PRSS12: variants seen among roughly 807,000 people sequenced by gnomAD.
PRSS12 encodes the protein neurotrypsin.
A neutral mutation model predicts 104.4 loss-of-function variants in PRSS12; 85 were observed. The observed-to-expected ratio is 0.81, with a 90% CI of 0.68 to 0.98. PRSS12 has a LOEUF of 0.98. Ranked by LOEUF, PRSS12 falls within the 50% of genes least tolerant of loss-of-function variation. PRSS12 has a pLI of 0.00. For missense variants in PRSS12, 1,141 were observed against 1,139.2 expected, an observed-to-expected ratio of 1.00 and a Z score of -0.02; for synonymous variants, 454 against 425.2, an observed-to-expected ratio of 1.07 and a Z score of -0.83.
Position 118,323,809 on chromosome 4 carries a change from A to T in PRSS12, c.972-5253T>A, listed in dbSNP as rs184639167. On this transcript the variant is annotated intron_variant, in intron 4 of 12. Transcript: ENST00000296498. ...GAATAATAGTAATAACTTGTTTTTT[A>T]TATATATATATACACACACACACAT... 7.7e-3 allele frequency among the ~76,000 whole-genome samples: 1,167 copies of T among 151,426 alleles called. 13 individuals carry two copies. Among genetic ancestry groups the T allele is most frequent in the Non-Finnish European group, 0.013 (886 of 67,776 alleles).
intron 7 of PRSS12, 116 bp from the exon 8 acceptor site, chr4:118,308,693 AAT>A: frequency 7.1e-7 from 1 of 1,409,120 alleles, no homozygotes; most frequent in Non-Finnish European, 9.9e-7. Context: ...TCAGATGGGA[AAT>A]ACTTTTTTGA....
Position 118,331,700 on chromosome 4 carries a change from A to T in PRSS12, c.971+16T>A. On this transcript the variant is annotated intron_variant, in intron 4 of 12. Coordinates refer to ENST00000296498, the MANE Select transcript of PRSS12 (RefSeq NM_003619.4). ...GATTCAAAAGTTTAAGCAAAACAAG[A>T]GTAGTAAAAACAAACCTGAGGCCCA... 6.2e-7 allele frequency: 1 copy of T among 1,614,072 alleles called. No individual in the cohort carries two copies. The highest frequency in any genetic ancestry group is 2.2e-5 in the East Asian group (1 of 44,872).
chr4:118,346,735 C>A (rs1351481562), intron 1 of PRSS12, among the ~76,000 whole-genome samples: 1 of 152,202 alleles, frequency 6.6e-6, no homozygotes, highest in East Asian at 1.9e-4. Context: ...GCCTCCTAAG[C>A]TCTGCCTCCT....
intron 1 of PRSS12, among the ~76,000 whole-genome samples, chr4:118,339,613 T>C (rs933617815): frequency 6.6e-6 from 1 of 152,226 alleles, no homozygotes; most frequent in Non-Finnish European, 1.5e-5. Context: ...TATTCAGGAA[T>C]GAACAGGGCA....
At chr4:118,347,424 T>C (rs1724385944) in intron 1 of PRSS12, among the ~76,000 whole-genome samples, 1 of 152,190 alleles carries the variant, frequency 6.6e-6, no homozygotes, top group Admixed American at 6.5e-5. Context: ...TAGGTGCACA[T>C]GAACAGAGGA....
chr4:118,310,531 G>A (rs778606045), intron 7 of PRSS12, among the ~76,000 whole-genome samples: 1 of 152,076 alleles, frequency 6.6e-6, no homozygotes, highest in Non-Finnish European at 1.5e-5. Context: ...AGTTTGTGTT[G>A]TTACAGAAAT....
At chr4:118,304,185 CAT>C (rs909884537) in intron 8 of PRSS12, among the ~76,000 whole-genome samples, 1 of 150,584 alleles carries the variant, frequency 6.6e-6, no homozygotes, top group Non-Finnish European at 1.5e-5. Context: ...TGTATGTGTG[CAT>C]ATATGTGTGT....
At chr4:118,318,024 G>A (rs1723494898) in intron 5 of PRSS12, among the ~76,000 whole-genome samples, 1 of 152,166 alleles carries the variant, frequency 6.6e-6, no homozygotes, top group African/African-American at 2.4e-5. Context: ...AACACATTCT[G>A]AGTCAAGAAA....
At chr4:118,295,470 A>G (rs886064957) in intron 10 of PRSS12, among the ~76,000 whole-genome samples, 5 of 152,254 alleles carry the variant, frequency 3.3e-5, no homozygotes, top group African/African-American at 1.2e-4. Context: ...TCTGAAACAA[A>G]TACATTCTAA....
chr4:118,304,376 A>G (rs1210220310), intron 8 of PRSS12, among the ~76,000 whole-genome samples: 1 of 151,992 alleles, frequency 6.6e-6, no homozygotes, highest in Admixed American at 6.5e-5. Flanking sequence ...CTATATTTAT[A>G]TTTCACTGGA....
intron 7 of PRSS12, among the ~76,000 whole-genome samples, chr4:118,309,663 A>G (rs1743654300): frequency 6.6e-6 from 1 of 152,200 alleles, no homozygotes; most frequent in South Asian, 2.1e-4. Flanking sequence ...CCTAGTTACT[A>G]GAAGGGTCTC....
chr4:118,349,774 G>A (rs1724446533), intron 1 of PRSS12, among the ~76,000 whole-genome samples: 2 of 152,126 alleles, frequency 1.3e-5, no homozygotes, highest in African/African-American at 2.4e-5. Context: ...AGGCAGAGGC[G>A]GGTGGATGGC....
At chr4:118,284,865 A>T (rs963567421) in intron 11 of PRSS12, among the ~76,000 whole-genome samples, 2 of 152,020 alleles carry the variant, frequency 1.3e-5, no homozygotes, top group Non-Finnish European at 2.9e-5. Flanking sequence ...TTCACCTTAA[A>T]TTTTTTTTAA....
At chr4:118,328,206 T>C (rs1401941705) in intron 4 of PRSS12, among the ~76,000 whole-genome samples, 2 of 152,176 alleles carry the variant, frequency 1.3e-5, no homozygotes, top group African/African-American at 4.8e-5. Context: ...ATGAGAGAAC[T>C]ATAAAATCAA....
intron 4 of PRSS12, among the ~76,000 whole-genome samples, chr4:118,322,832 T>C (rs760273100): frequency 1.3e-5 from 2 of 151,824 alleles, no homozygotes; most frequent in Non-Finnish European, 1.5e-5. Context: ...GTCAGCAAAA[T>C]ATGACCTGTG....
intron 4 of PRSS12, among the ~76,000 whole-genome samples, chr4:118,320,701 C>T (rs922314009): frequency 2.0e-5 from 3 of 152,036 alleles, no homozygotes; most frequent in Non-Finnish European, 2.9e-5. Flanking sequence ...TGCAATGACC[C>T]GTGATCATGC....
chr4:118,336,133 T>C (rs1292961997), intron 2 of PRSS12, among the ~76,000 whole-genome samples: 1 of 152,178 alleles, frequency 6.6e-6, no homozygotes, highest in Non-Finnish European at 1.5e-5. Flanking sequence ...ATTTTCAAAA[T>C]TATTATTACT....
chr4:118,322,502 C>T (rs1213925753), intron 4 of PRSS12, among the ~76,000 whole-genome samples: 4 of 151,052 alleles, frequency 2.6e-5, no homozygotes, highest in Non-Finnish European at 4.4e-5. Flanking sequence ...GCTGAGATTG[C>T]GCCACTGCAC....
Position 118,335,557 on chromosome 4 carries a change from T to A in PRSS12, c.736A>T (p.Ile246Leu). The A allele has an allele frequency of 6.2e-7, 1 of 1,614,118 alleles. No homozygotes were observed. Among genetic ancestry groups the A allele is most frequent in the African/African-American group, 1.3e-5 (1 of 75,048 alleles). ...NVRCRGDEEN[I>L]LLCEKDIWQG... ...CAGATGTCTTTTTCACAAAGCAGTA[T>A]ATTTTCTTCATCTCCTCGGCAACGG... is the stretch of plus-strand genomic sequence containing the variant. The change falls in exon 3 of 13, where the codon ATA (isoleucine) becomes TTA (leucine). Residue 246 changes from isoleucine (I) to leucine (L), a missense_variant. Transcript: ENST00000296498.
Sources: allele counts gnomAD v4.1 joint callset (sites outside exome capture counted in the v4.1 genomes callset), GRCh38; gene constraint gnomAD v4.1.1; transcripts MANE v1.5; gene names NCBI Gene and HGNC (gene_info 2026-07-23, HGNC 2026-07-21).